Variants in GPC5 observed in about 807,000 individuals in gnomAD.
GPC5 encodes glypican-5.
A neutral mutation model predicts 53.9 loss-of-function variants in GPC5; 47 were observed. That is an observed-to-expected ratio of 0.87 (90% CI 0.69 to 1.11). The LOEUF is 1.11. Among genes scored for constraint, GPC5 ranks in the 50% most tolerant of loss-of-function variants. The pLI is 0.00. For missense variants in GPC5, 748 were observed against 713.1 expected (o/e 1.05, Z -0.56); for synonymous variants, 286 against 263.3 (o/e 1.09, Z -0.84).
intron 7 of GPC5, among the ~76,000 whole-genome samples, chr13:92,720,822 TA>T (rs1888488259): frequency 6.6e-6 from 1 of 152,128 alleles, no homozygotes; most frequent in South Asian, 2.1e-4. Context: ...TTTCCTTTAC[TA>T]AAAGTTGTTT....
At chr13:91,712,271 A>G (rs1006166716) in intron 3 of GPC5, among the ~76,000 whole-genome samples, 2 of 151,890 alleles carry the variant, frequency 1.3e-5, no homozygotes, top group African/African-American at 4.8e-5. Flanking sequence ...AAGAGCATAC[A>G]TCAAAAGCAA....
At chr13:91,513,457 T>C (rs974721810) in intron 2 of GPC5, among the ~76,000 whole-genome samples, 6 of 152,196 alleles carry the variant, frequency 3.9e-5, no homozygotes, top group Admixed American at 2.6e-4. Context: ...TAGAGAACAC[T>C]GGGCTGGGCG....
chr13:92,673,078 G>GTTTTATATTGAT (rs777376795), intron 7 of GPC5, among the ~76,000 whole-genome samples: 34 of 151,872 alleles, frequency 2.2e-4, no homozygotes, highest in Non-Finnish European at 4.6e-4. Flanking sequence ...CTTTAAAGTA[G>GTTTTATATTGAT]CTCAATAAGT....
rs1879011452 is a variant in GPC5 at position 92,856,693 on chromosome 13, T to A, written c.1562-9589T>A. On this transcript the variant is annotated intron_variant, in intron 7 of 7. Transcript: ENST00000377067. ...TATTATTACTATATACTAATAACAT[T>A]CAAGCTGAGAGCCAAATCAATAGCA... Among the ~76,000 whole-genome samples, 4 of 151,982 alleles carry A rather than the reference T, an allele frequency of 2.6e-5. No homozygotes were observed. In the South Asian group the frequency reaches 8.3e-4, roughly 31 times the overall value.
chr13:91,985,196 G>C (rs77022822), intron 6 of GPC5, among the ~76,000 whole-genome samples: 2 of 151,918 alleles, frequency 1.3e-5, no homozygotes, highest in African/African-American at 4.8e-5. Context: ...CCCTTTTATC[G>C]TTGTAAAGAG....
At chr13:92,838,487 C>A (rs1301260122) in intron 7 of GPC5, among the ~76,000 whole-genome samples, 11 of 142,120 alleles carry the variant, frequency 7.7e-5, no homozygotes, top group Middle Eastern at 7.3e-3. Context: ...CGCGCCCCCC[C>A]CAAAAAAAAA....
intron 7 of GPC5, among the ~76,000 whole-genome samples, chr13:92,313,676 C>A (rs180742078): frequency 1.3e-5 from 2 of 152,088 alleles, no homozygotes; most frequent in Non-Finnish European, 2.9e-5. Flanking sequence ...GTTGGATGAG[C>A]CTCCCAACCA....
chr13:91,736,122 A>C (rs2036808561), intron 4 of GPC5, among the ~76,000 whole-genome samples: 1 of 151,268 alleles, frequency 6.6e-6, no homozygotes, highest in Admixed American at 6.6e-5. Flanking sequence ...TATTATATAC[A>C]TTAGAATGAG....
At chr13:92,658,814 T>C (rs1241757264) in intron 7 of GPC5, among the ~76,000 whole-genome samples, 1 of 83,160 alleles carries the variant, frequency 1.2e-5, no homozygotes, top group African/African-American at 5.0e-5. Context: ...TCAAGTGCAA[T>C]ACAGCTGGAG....
intron 2 of GPC5, among the ~76,000 whole-genome samples, chr13:91,462,855 C>T (rs1206151289): frequency 6.6e-6 from 1 of 152,038 alleles, no homozygotes; most frequent in Non-Finnish European, 1.5e-5. Context: ...TTATTATAAA[C>T]CTTCAAAGTA....
rs779626956 is a variant in GPC5, at chr13:91,693,523, C to G, written c.662C>G (p.Pro221Arg). Residue 221 changes from proline (P) to arginine (R), a missense_variant, in exon 3 of 8, where the codon CCC (proline) becomes CGC (arginine). Physicochemically the swap from Pro to Arg is moderately radical, Grantham distance 103. Transcript: ENST00000377067. ...VMGQMGRSLL[P>R]SRTFLQALNL... ...GGACAGATGGGGAGGTCCCTGCTGC[C>G]CAGCCGCACTTTTCTGCAGGCACTC... 6 of 1,613,912 alleles carry G rather than the reference C, an allele frequency of 3.7e-6. No homozygotes were observed. The South Asian group carries it at 4.4e-5, about 12-fold the overall frequency.
intron 5 of GPC5, among the ~76,000 whole-genome samples, chr13:91,827,426 G>A (rs2038592357): frequency 6.6e-6 from 1 of 151,820 alleles, no homozygotes; most frequent in Admixed American, 6.6e-5. Context: ...TCTATATTGG[G>A]TAAAGGCTGG....
intron 6 of GPC5, among the ~76,000 whole-genome samples, chr13:92,064,764 A>AAACAAAGCAAAAC (rs371962452): frequency 7.2e-6 from 1 of 138,366 alleles, no homozygotes; most frequent in Non-Finnish European, 1.6e-5. Flanking sequence ...CTCAAAAAAA[A>AAACAAAGCAAAAC]AAAACAAAAC....
intron 7 of GPC5, among the ~76,000 whole-genome samples, chr13:92,234,830 T>C (rs1239823308): frequency 1.3e-5 from 2 of 152,152 alleles, no homozygotes; most frequent in African/African-American, 4.8e-5. Context: ...ATATCCACTG[T>C]CTCTCAAATA....
chr13:92,801,118 A>ATG (rs961435121), intron 7 of GPC5, among the ~76,000 whole-genome samples: 1 of 151,348 alleles, frequency 6.6e-6, no homozygotes, highest in Non-Finnish European at 1.5e-5. Flanking sequence ...ATGTGTGTGT[A>ATG]TGTGTGTGTG....
intron 3 of GPC5, among the ~76,000 whole-genome samples, chr13:91,699,818 TCACC>T (rs1189464007): frequency 1.3e-5 from 2 of 152,218 alleles, no homozygotes; most frequent in Non-Finnish European, 2.9e-5. Flanking sequence ...CTAAAGGTTT[TCACC>T]CACCGACTTC....
intron 5 of GPC5, among the ~76,000 whole-genome samples, chr13:91,788,227 G>A (rs1259724834): frequency 4.6e-5 from 7 of 152,190 alleles, no homozygotes; most frequent in Admixed American, 3.3e-4. Context: ...GCAGAAGGCT[G>A]CCTTCTTGCT....
chr13:91,709,719 A>C (rs1424089365), intron 3 of GPC5, among the ~76,000 whole-genome samples: 2 of 152,224 alleles, frequency 1.3e-5, no homozygotes. Context: ...CAGATGCCCA[A>C]AGGCAAGAGA....
intron 5 of GPC5, among the ~76,000 whole-genome samples, chr13:91,761,171 C>T (rs571340287): frequency 1.3e-4 from 20 of 152,238 alleles, no homozygotes; most frequent in African/African-American, 4.8e-4. Flanking sequence ...ACCAGGGCTT[C>T]CTTTTCCCTT....
Sources: gnomAD v4.1 joint callset for allele counts (sites outside exome capture counted in the v4.1 genomes callset) on GRCh38, gnomAD v4.1.1 for gene constraint, MANE v1.5 for transcripts, NCBI Gene and HGNC (gene_info 2026-07-23, HGNC 2026-07-21) for gene names.